The following CTNNA2 variants were observed in gnomAD, a reference collection of about 807,000 sequenced individuals.
CTNNA2 encodes the protein catenin alpha 2.
A neutral mutation model predicts 101.0 loss-of-function variants in CTNNA2; 42 were observed. That is an observed-to-expected ratio of 0.42 (90% CI 0.32 to 0.54). CTNNA2 has a LOEUF of 0.54. Ranked by LOEUF, CTNNA2 falls within the 20% of genes least tolerant of loss-of-function variation. CTNNA2 has a pLI of 0.14. For synonymous variants in CTNNA2, 450 were observed against 456.4 expected, an observed-to-expected ratio of 0.99 and a Z score of 0.18; for missense variants, 871 against 1,223.1, an observed-to-expected ratio of 0.71 and a Z score of 4.29.
intron 9 of CTNNA2, among the ~76,000 whole-genome samples, chr2:80,535,148 C>T (rs896000732): frequency 6.6e-6 from 1 of 152,082 alleles, no homozygotes; most frequent in African/African-American, 2.4e-5. Context: ...CGGTTTTTAT[C>T]ATTGTCTTCC....
In CTNNA2 at chr2:80,302,821, C is replaced by T; in HGVS notation, c.1057-90390C>T. On this transcript the variant is annotated intron_variant, in intron 7 of 18. Coordinates refer to ENST00000402739, the MANE Select transcript of CTNNA2 (RefSeq NM_001282597.3). The surrounding 1 kb of genome is among the most constrained non-coding windows in gnomAD (Gnocchi z 6.4). ...ACTGCAAGTTGCCATCGTAGCGCCC[C>T]TGGAAGTTGTTGAGCCACGAGGCTA... is the stretch of plus-strand genomic sequence containing the variant. The T allele has an allele frequency of 6.2e-7, 1 of 1,614,004 alleles. No homozygotes were observed. Among genetic ancestry groups the T allele is most frequent in the Non-Finnish European group, 8.5e-7 (1 of 1,180,018 alleles).
Position 80,429,924 on chromosome 2 carries a change from A to G in CTNNA2, c.1290+10323A>G, listed in dbSNP as rs546925767. ...GTCTGTTGCAGTGCTTGAATTAACT[A>G]TGCACATAATGTAAATACTACCAGG... On this transcript the variant is annotated intron_variant, in intron 9 of 18. Coordinates refer to ENST00000402739, the MANE Select transcript of CTNNA2 (RefSeq NM_001282597.3). Among the ~76,000 whole-genome samples the G allele has an allele frequency of 9.1e-4, 138 of 152,338 alleles. 1 individual carries two copies. The highest frequency in any genetic ancestry group is 3.1e-3 in the African/African-American group (128 of 41,578).
intron 7 of CTNNA2, among the ~76,000 whole-genome samples, chr2:80,391,583 A>G (rs974953213): frequency 6.6e-6 from 1 of 152,208 alleles, no homozygotes; most frequent in African/African-American, 2.4e-5. Context: ...GGTGCCCTGT[A>G]TTTTGATGGC....
At chr2:80,425,438 C>A (rs2149416373) in intron 9 of CTNNA2, among the ~76,000 whole-genome samples, 1 of 152,298 alleles carries the variant, frequency 6.6e-6, no homozygotes, top group African/African-American at 2.4e-5. Context: ...TCTGACTGAA[C>A]TGAAATAACA....
At chr2:79,351,174 T>A (rs1280313518) in intron 3 of CTNNA2, among the ~76,000 whole-genome samples, 1 of 152,190 alleles carries the variant, frequency 6.6e-6, no homozygotes, top group African/African-American at 2.4e-5. Flanking sequence ...GTTGCATTTA[T>A]CTTTGAGATC....
intron 4 of CTNNA2, among the ~76,000 whole-genome samples, chr2:79,462,844 G>T (rs78737016): frequency 0.015 from 2,221 of 152,242 alleles, 42 homozygotes; most frequent in African/African-American, 0.05. Context: ...AGTACATGCT[G>T]CCCTGTGTTG....
intron 1 of CTNNA2, among the ~76,000 whole-genome samples, chr2:79,543,583 G>T (rs1190546016): frequency 1.3e-5 from 2 of 152,004 alleles, no homozygotes; most frequent in African/African-American, 4.8e-5. Flanking sequence ...TAGCTCCACT[G>T]CTTCCGTCAC....
In CTNNA2 at chr2:79,457,890, C is replaced by A. The variant is rs148026829; in HGVS notation, c.-134-47164C>A. On this transcript the variant is annotated intron_variant, in intron 4 of 21. Transcript: ENST00000466387. ...TTCATCCCAGGAGATAGTACCCTGA[C>A]TTAAAAGGGTCTGAAGCATAGGACC... Among the ~76,000 whole-genome samples, 11 of 152,290 alleles carry A rather than the reference C, an allele frequency of 7.2e-5. No individual in the cohort carries two copies. In the East Asian group the frequency reaches 2.1e-3, roughly 29 times the overall value.
intron 7 of CTNNA2, among the ~76,000 whole-genome samples, chr2:80,374,682 C>CGTGTGT (rs57179557): frequency 7.5e-4 from 100 of 134,028 alleles, no homozygotes; most frequent in Admixed American, 2.0e-3. Flanking sequence ...TGCGTGCGTG[C>CGTGTGT]GTGTGTGTGT....
intron 7 of CTNNA2, among the ~76,000 whole-genome samples, chr2:80,227,424 G>T (rs1708950518): frequency 6.6e-6 from 1 of 152,204 alleles, no homozygotes; most frequent in South Asian, 2.1e-4. Flanking sequence ...GTCCACGTTT[G>T]TTCTGACTTC....
chr2:80,004,434 G>A (rs11897639), intron 7 of CTNNA2, among the ~76,000 whole-genome samples: 1,826 of 152,204 alleles, frequency 0.012, 35 homozygotes, highest in African/African-American at 0.041. Context: ...GTCAGAGATC[G>A]TTGTTACAAA....
chr2:80,393,238 C>T lies in CTNNA2; in HGVS notation c.1084C>T (p.Leu362Phe). ...NTGRKEKGDP[L>F]NIAIDKMTKK... ...TGGAAGGAAAGAAAAAGGAGATCCT[C>T]TCAACATTGCGATTGATAAGATGAC... Residue 362 changes from leucine (L) to phenylalanine (F), a missense_variant, in exon 8 of 19, where the codon CTC becomes TTC. By Grantham distance (22) the Leu-to-Phe change is conservative. Transcript: ENST00000402739. The T allele has an allele frequency of 6.2e-7, 1 of 1,610,508 alleles. No homozygotes were observed.
chr2:79,707,050 C>G (rs1015767715), intron 2 of CTNNA2, among the ~76,000 whole-genome samples: 3 of 152,154 alleles, frequency 2.0e-5, no homozygotes, highest in African/African-American at 7.2e-5. Context: ...AGGATCAGAA[C>G]TGCCATTTGC....
At position 80,212,744 on chromosome 2, in the gene CTNNA2, G is replaced by A. The variant is rs981530238; in HGVS notation, c.1057-180467G>A. Among the ~76,000 whole-genome samples the A allele has an allele frequency of 4.6e-5, 7 of 152,292 alleles. No individual in the cohort carries two copies. In the South Asian group the frequency reaches 8.3e-4, roughly 18 times the overall value. On this transcript the variant is annotated intron_variant, in intron 7 of 18. Coordinates refer to ENST00000402739, the MANE Select transcript of CTNNA2 (RefSeq NM_001282597.3). ...GATGCTGGCCTCATAGAATGAGTTAGGCAGGATTCCCTCTTTTTCTATTGA... is the reference window on the plus strand; with the variant it reads ...GATGCTGGCCTCATAGAATGAGTTAAGCAGGATTCCCTCTTTTTCTATTGA...
Position 80,236,112 on chromosome 2 carries a change from C to T in CTNNA2, c.1057-157099C>T, listed in dbSNP as rs118011450. 1.0e-3 allele frequency among the ~76,000 whole-genome samples: 158 copies of T among 152,290 alleles called. 2 individuals carry two copies. In the East Asian group the frequency reaches 0.025, roughly 24 times the overall value. On this transcript the variant is annotated intron_variant, in intron 7 of 18. Coordinates refer to ENST00000402739, the MANE Select transcript of CTNNA2 (RefSeq NM_001282597.3). ...TTGCTAGGGATAATGGCCTCCAGCT[C>T]TATCCATGTTCTCTCAAAAGACATG...
At chr2:80,415,681 G>A (rs1473243921) in intron 8 of CTNNA2, among the ~76,000 whole-genome samples, 1 of 151,994 alleles carries the variant, frequency 6.6e-6, no homozygotes, top group African/African-American at 2.4e-5. Context: ...AGAACTTCTG[G>A]GTAGAATCTG....
chr2:80,538,584 ATG>A (rs981064413), intron 9 of CTNNA2, among the ~76,000 whole-genome samples: 70 of 152,166 alleles, frequency 4.6e-4, no homozygotes, highest in African/African-American at 1.5e-3. Flanking sequence ...ATTGGTCTAT[ATG>A]TGTGTTTTGG....
At chr2:80,591,986 T>C (rs139788858) in intron 15 of CTNNA2, among the ~76,000 whole-genome samples, 23 of 152,270 alleles carry the variant, frequency 1.5e-4, no homozygotes, top group Middle Eastern at 3.4e-3. Flanking sequence ...GCTTTTCTTT[T>C]CATGTCATTT....
intron 7 of CTNNA2, among the ~76,000 whole-genome samples, chr2:80,203,978 G>A (rs1707369667): frequency 6.6e-6 from 1 of 152,190 alleles, no homozygotes; most frequent in African/African-American, 2.4e-5. Flanking sequence ...CAAGGCTTGA[G>A]GCTTCCACCC....
Sources: allele counts gnomAD v4.1 joint callset (sites outside exome capture counted in the v4.1 genomes callset), GRCh38; gene constraint gnomAD v4.1.1; non-coding constraint Gnocchi (gnomAD v3.1); transcripts MANE v1.5; gene names NCBI Gene and HGNC (gene_info 2026-07-23, HGNC 2026-07-21).